The following CALN1 variants were observed in gnomAD, a reference collection of about 807,000 sequenced individuals.
CALN1 encodes calcium-binding protein 8.
Under a neutral mutation model 30.6 loss-of-function variants are expected in CALN1, and 17 were observed. The ratio of observed to expected loss-of-function variants is 0.56; its 90% CI spans 0.38 to 0.83. CALN1 has a LOEUF of 0.83. CALN1 is among the 40% of genes least tolerant of loss of function. The probability of loss-of-function intolerance (pLI) is 0.00; values close to 1 mark genes in which losing one functional copy is unlikely to be tolerated. For missense variants in CALN1, 291 were observed against 354.9 expected (o/e 0.82, Z 1.45); for synonymous variants, 156 against 131.4 (o/e 1.19, Z -1.28).
At chr7:72,333,975 T>C (rs957003657) in intron 2 of CALN1, among the ~76,000 whole-genome samples, 1 of 152,142 alleles carries the variant, frequency 6.6e-6, no homozygotes, top group Non-Finnish European at 1.5e-5. Context: ...AAGGAAGCAA[T>C]GTGGAAAGTG....
chr7:72,155,504 A>AG lies in CALN1; in HGVS notation c.245-49211_245-49210insC, dbSNP rs201597122. On this transcript the variant is annotated intron_variant, in intron 3 of 6. Transcript: ENST00000395275. ...AAGACTCTGTCTCAAAAAAAAAAAAAAGAGAGAGAGAAAAAGAAAAAGAAA... is the reference window on the plus strand; with the variant it reads ...AAGACTCTGTCTCAAAAAAAAAAAAAGAGAGAGAGAGAAAAAGAAAAAGAAA... 3.2e-3 allele frequency among the ~76,000 whole-genome samples: 484 copies of AG among 151,628 alleles called. 5 individuals carry two copies. The highest frequency in any genetic ancestry group is 0.027 in the East Asian group (137 of 5,138).
intron 5 of CALN1, among the ~76,000 whole-genome samples, chr7:71,825,458 C>T (rs117550657): frequency 1.9e-3 from 290 of 152,082 alleles, no homozygotes; most frequent in Non-Finnish European, 3.3e-3. Context: ...CGTATTAGTC[C>T]GTTTTCATGT....
chr7:71,938,843 A>C (rs1795978383), intron 5 of CALN1, among the ~76,000 whole-genome samples: 1 of 152,146 alleles, frequency 6.6e-6, no homozygotes, highest in African/African-American at 2.4e-5. Context: ...AGACTCACTG[A>C]GAACAGAGAG....
chr7:72,097,994 G>A (rs1048699003), intron 4 of CALN1, among the ~76,000 whole-genome samples: 5 of 152,048 alleles, frequency 3.3e-5, no homozygotes, highest in East Asian at 1.9e-4. Flanking sequence ...GATTACAGGC[G>A]TGAGCCACCA....
the CALN1 span, among the ~76,000 whole-genome samples, chr7:72,503,286 C>T: frequency 3.3e-5 from 5 of 152,112 alleles, no homozygotes; most frequent in Non-Finnish European, 7.3e-5. Flanking sequence ...CATTGCAGTG[C>T]CCTGACCCTC....
intron 2 of CALN1, among the ~76,000 whole-genome samples, chr7:72,291,703 C>T (rs1170471583): frequency 1.3e-5 from 2 of 152,182 alleles, no homozygotes; most frequent in Admixed American, 6.5e-5. Flanking sequence ...ACCTCCACCT[C>T]CCGGGTTCAA....
intron 4 of CALN1, among the ~76,000 whole-genome samples, chr7:72,083,867 C>T (rs1031161302): frequency 6.6e-6 from 1 of 151,226 alleles, no homozygotes; most frequent in East Asian, 1.9e-4. Flanking sequence ...CACAGACTGC[C>T]AAAAACTTGC....
intron 4 of CALN1, among the ~76,000 whole-genome samples, chr7:72,034,845 C>T (rs75809773): frequency 6.7e-6 from 1 of 149,728 alleles, no homozygotes; most frequent in African/African-American, 2.5e-5. Flanking sequence ...AGGAAGATCC[C>T]TAAGATCTTC....
intron 4 of CALN1, among the ~76,000 whole-genome samples, chr7:72,087,304 CG>C (rs1805544893): frequency 6.6e-6 from 1 of 152,104 alleles, no homozygotes; most frequent in African/African-American, 2.4e-5. Context: ...GAGGCCAAGG[CG>C]GGTGGATCAC....
At chr7:72,020,512 G>A (rs1800643314) in intron 5 of CALN1, among the ~76,000 whole-genome samples, 1 of 152,126 alleles carries the variant, frequency 6.6e-6, no homozygotes, top group South Asian at 2.1e-4. Flanking sequence ...AAGAAGGGGA[G>A]GCTGATTACT....
At chr7:72,238,323 CAA>C (rs1257392773) in intron 3 of CALN1, among the ~76,000 whole-genome samples, 1 of 152,056 alleles carries the variant, frequency 6.6e-6, no homozygotes, top group African/African-American at 2.4e-5. Flanking sequence ...GAATGAGTTG[CAA>C]AGAGACTGAG....
intron 1 of CALN1, among the ~76,000 whole-genome samples, chr7:72,430,829 G>A (rs1021144275): frequency 3.3e-5 from 5 of 152,114 alleles, no homozygotes; most frequent in Admixed American, 3.3e-4. Context: ...AACTGTTAAA[G>A]CATATGGGGT....
At chr7:72,476,589 C>G in the CALN1 span, among the ~76,000 whole-genome samples, 2 of 152,136 alleles carry the variant, frequency 1.3e-5, no homozygotes, top group Non-Finnish European at 2.9e-5. Context: ...CTAGACATAC[C>G]CACATCATAT....
intron 3 of CALN1, among the ~76,000 whole-genome samples, chr7:72,161,383 A>G (rs1180959998): frequency 6.6e-6 from 1 of 152,206 alleles, no homozygotes; most frequent in Non-Finnish European, 1.5e-5. Context: ...CTAAAGAAGA[A>G]TAAGGTGGAG....
intron 5 of CALN1, among the ~76,000 whole-genome samples, chr7:71,817,287 C>G (rs1443085156): frequency 1.3e-5 from 2 of 152,108 alleles, no homozygotes; most frequent in African/African-American, 4.8e-5. Context: ...GACCCTAGTC[C>G]TGCAATTTTA....
At position 71,847,809 on chromosome 7, in the gene CALN1, A is replaced by G. The variant is rs577970833; in HGVS notation, c.502-37317T>C. On this transcript the variant is annotated intron_variant, in intron 5 of 6. Coordinates refer to ENST00000395275, the MANE Select transcript of CALN1 (RefSeq NM_031468.4). ...AGAAGAAGAAGAAAAGAAGAAAAGAAGGAGAAGGAGAAGGAGAAGGAGAAG... is the reference window on the plus strand; with the variant it reads ...AGAAGAAGAAGAAAAGAAGAAAAGAGGGAGAAGGAGAAGGAGAAGGAGAAG... Among the ~76,000 whole-genome samples, 326 of 57,102 alleles carry G rather than the reference A, an allele frequency of 5.7e-3. 2 individuals are homozygous for G. The highest frequency in any genetic ancestry group is 0.02 in the African/African-American group (312 of 15,426). 37.5% of individuals were successfully genotyped at this position (57,102 alleles called of 152,430 possible).
chr7:72,395,151 T>C (rs898548161), intron 2 of CALN1, among the ~76,000 whole-genome samples: 3 of 152,204 alleles, frequency 2.0e-5, no homozygotes, highest in African/African-American at 4.8e-5. Context: ...TTCACCTTTT[T>C]ATCTCCAACA....
chr7:72,380,630 A>C (rs555603472), intron 2 of CALN1, among the ~76,000 whole-genome samples: 1 of 152,254 alleles, frequency 6.6e-6, no homozygotes, highest in Admixed American at 6.5e-5. Flanking sequence ...GAGTCATATT[A>C]AGAGAGAAAC....
chr7:72,031,496 G>A (rs948350326), intron 4 of CALN1, among the ~76,000 whole-genome samples: 1 of 152,114 alleles, frequency 6.6e-6, no homozygotes, highest in Non-Finnish European at 1.5e-5. Context: ...GAAAAAAAGA[G>A]GTTAAGAATA....
Sources: allele counts gnomAD v4.1 joint callset (sites outside exome capture counted in the v4.1 genomes callset), GRCh38; gene constraint gnomAD v4.1.1; transcripts MANE v1.5; gene names NCBI Gene and HGNC (gene_info 2026-07-23, HGNC 2026-07-21).